The following AGMO variants were observed in gnomAD, a reference collection of about 807,000 sequenced individuals.
AGMO encodes glyceryl-ether monooxygenase.
AGMO carries 75 observed loss-of-function variants against 60.2 expected under a neutral mutation model. That is an observed-to-expected ratio of 1.25 (90% CI 1.03 to 1.51). The LOEUF (loss-of-function observed/expected upper bound fraction) is 1.51. Among genes scored for constraint, AGMO ranks in the 40% most tolerant of loss-of-function variants. The pLI is 0.00. For synonymous variants in AGMO, 261 were observed against 177.1 expected (o/e 1.47, Z -3.76); for missense variants, 763 against 525.5 (o/e 1.45, Z -4.42).
At chr7:15,166,909 G>C in the AGMO span, among the ~76,000 whole-genome samples, 1 of 152,136 alleles carries the variant, frequency 6.6e-6, no homozygotes, top group Admixed American at 6.5e-5. Context: ...GGGAGGTCAG[G>C]TTGCTCAGTT....
At chr7:15,509,668 A>T (rs962686046) in intron 3 of AGMO, among the ~76,000 whole-genome samples, 5 of 152,142 alleles carry the variant, frequency 3.3e-5, no homozygotes, top group African/African-American at 1.2e-4. Context: ...TCATCTATCT[A>T]ATAAAAGGTA....
At position 15,308,701 on chromosome 7, in the gene AGMO, C is replaced by G. The variant is rs190831934; in HGVS notation, c.1263+56813G>C. On this transcript the variant is annotated intron_variant, in intron 12 of 12. Coordinates refer to ENST00000342526, the MANE Select transcript of AGMO (RefSeq NM_001004320.2). ...CCAAAGCTCTTGGATTTTCCTGTAT[C>G]TGTTGATATATTATTACAGCACATA... is the stretch of plus-strand genomic sequence containing the variant. 3.9e-5 allele frequency among the ~76,000 whole-genome samples: 6 copies of G among 152,250 alleles called. No individual in the cohort carries two copies. In the East Asian group the frequency reaches 7.7e-4, roughly 20 times the overall value.
At chr7:15,467,644 T>C (rs1782329965) in intron 3 of AGMO, among the ~76,000 whole-genome samples, 1 of 152,116 alleles carries the variant, frequency 6.6e-6, no homozygotes, top group Admixed American at 6.6e-5. Flanking sequence ...TCCAGACAAA[T>C]AGAAAATCCA....
intron 5 of AGMO, among the ~76,000 whole-genome samples, chr7:15,412,873 G>A (rs1212782914): frequency 6.6e-6 from 1 of 151,978 alleles, no homozygotes; most frequent in Non-Finnish European, 1.5e-5. Flanking sequence ...ATCATAATAA[G>A]GAATGGTCAG....
intron 12 of AGMO, among the ~76,000 whole-genome samples, chr7:15,262,974 T>C (rs1783318862): frequency 6.6e-6 from 1 of 152,044 alleles, no homozygotes. Context: ...ACCGTAAAGA[T>C]TCTAGAAGAT....
At chr7:15,232,950 G>A (rs1279146379) in intron 12 of AGMO, among the ~76,000 whole-genome samples, 1 of 152,024 alleles carries the variant, frequency 6.6e-6, no homozygotes, top group East Asian at 1.9e-4. Flanking sequence ...GAAGTTCTAA[G>A]AGAAAACTGA....
intron 6 of AGMO, among the ~76,000 whole-genome samples, chr7:15,392,706 G>C (rs1213665633): frequency 1.3e-5 from 2 of 152,136 alleles, no homozygotes; most frequent in African/African-American, 4.8e-5. Context: ...GGCTGCAGCA[G>C]AAGAATCACT....
chr7:15,322,497 AATAT>A (rs1374915212), intron 12 of AGMO, among the ~76,000 whole-genome samples: 3 of 57,714 alleles, frequency 5.2e-5, no homozygotes, highest in Admixed American at 5.9e-4. Context: ...AATATATATA[AATAT>A]ATAAATATAT....
intron 12 of AGMO, among the ~76,000 whole-genome samples, chr7:15,211,446 A>G (rs1261170343): frequency 1.3e-5 from 2 of 152,028 alleles, no homozygotes; most frequent in Non-Finnish European, 2.9e-5. Flanking sequence ...GGGAAAATAG[A>G]ATTCTGCAAA....
the AGMO span, among the ~76,000 whole-genome samples, chr7:15,155,632 C>A: frequency 2.0e-5 from 3 of 151,838 alleles, no homozygotes; most frequent in Admixed American, 1.3e-4. Context: ...CTGTGTTTGT[C>A]ATTTAATCTA....
chr7:15,333,096 G>A (rs552387816), intron 12 of AGMO, among the ~76,000 whole-genome samples: 7 of 151,996 alleles, frequency 4.6e-5, no homozygotes, highest in East Asian at 1.9e-4. Context: ...AATATCCTGC[G>A]CTAATGTGAT....
chr7:15,433,956 T>C (rs767395533), intron 3 of AGMO, among the ~76,000 whole-genome samples: 8 of 152,084 alleles, frequency 5.3e-5, no homozygotes, highest in Non-Finnish European at 7.4e-5. Context: ...TTTTCAATTT[T>C]TTTATGAAGA....
At chr7:15,374,499 A>C (rs1310163127) in intron 10 of AGMO, among the ~76,000 whole-genome samples, 2 of 152,122 alleles carry the variant, frequency 1.3e-5, no homozygotes, top group East Asian at 3.9e-4. Context: ...AATATTAGAT[A>C]TGTAACAATT....
rs562487575 is a variant in AGMO at position 15,239,984 on chromosome 7, C to A, written c.1264-38625G>T. On this transcript the variant is annotated intron_variant, in intron 12 of 12. Coordinates refer to ENST00000342526, the MANE Select transcript of AGMO (RefSeq NM_001004320.2). ...CCTTGCAAATACCTTGTTGCTTTATCTTTTGTCATTGTTTTAACTCATTAT... is the reference window on the plus strand; with the variant it reads ...CCTTGCAAATACCTTGTTGCTTTATATTTTGTCATTGTTTTAACTCATTAT... Among the ~76,000 whole-genome samples, 10 of 152,172 alleles carry A rather than the reference C, an allele frequency of 6.6e-5. No homozygotes were observed. The East Asian group carries it at 1.9e-3, about 29-fold the overall frequency.
At chr7:15,121,624 A>G in the AGMO span, among the ~76,000 whole-genome samples, 1 of 152,024 alleles carries the variant, frequency 6.6e-6, no homozygotes, top group Non-Finnish European at 1.5e-5. Flanking sequence ...TGTAGCCAAG[A>G]CAATCCTAAG....
chr7:15,470,605 T>C (rs748844476), intron 3 of AGMO, among the ~76,000 whole-genome samples: 3 of 152,026 alleles, frequency 2.0e-5, no homozygotes, highest in Non-Finnish European at 2.9e-5. Flanking sequence ...TAAGTGGATC[T>C]TCTTCCCTCA....
chr7:15,210,734 G>C (rs1781565879), intron 12 of AGMO, among the ~76,000 whole-genome samples: 1 of 151,826 alleles, frequency 6.6e-6, no homozygotes, highest in African/African-American at 2.4e-5. Context: ...ATAAATCTTT[G>C]GCTAGGCCTC....
intron 3 of AGMO, among the ~76,000 whole-genome samples, chr7:15,529,409 C>T (rs1784215457): frequency 6.7e-6 from 1 of 148,830 alleles, no homozygotes; most frequent in Non-Finnish European, 1.5e-5. Flanking sequence ...TTGGGCTACA[C>T]ACTAAAGTAA....
chr7:15,278,571 G>C (rs952684337), intron 12 of AGMO, among the ~76,000 whole-genome samples: 2 of 152,022 alleles, frequency 1.3e-5, no homozygotes, highest in African/African-American at 4.8e-5. Context: ...TCGGGTGATG[G>C]GAGCTCTAGC....
Sources: allele counts gnomAD v4.1 joint callset (sites outside exome capture counted in the v4.1 genomes callset), GRCh38; gene constraint gnomAD v4.1.1; transcripts MANE v1.5; gene names NCBI Gene and HGNC (gene_info 2026-07-23, HGNC 2026-07-21).